PECAM1: variants seen among roughly 807,000 people sequenced by gnomAD.
PECAM1 encodes platelet and endothelial cell adhesion molecule 1.
PECAM1 carries 8 observed loss-of-function variants against 13.8 expected under a neutral mutation model. That is an observed-to-expected ratio of 0.58 (90% CI 0.34 to 1.05). PECAM1 has a LOEUF of 1.05. Among genes scored for constraint, PECAM1 ranks in the 50% least tolerant of loss-of-function variants. PECAM1 has a pLI of 0.03. For missense variants in PECAM1, 304 were observed against 141.2 expected (o/e 2.15, Z -5.84); for synonymous variants, 136 against 52.6 (o/e 2.58, Z -6.86).
rs1309786580 is a variant in PECAM1, at chr17:64,319,786, G to A, written c.*4030C>T. The A allele has an allele frequency of 6.6e-6, 1 of 152,196 alleles. No homozygotes were observed. Among genetic ancestry groups the A allele is most frequent in the Non-Finnish European group, 1.5e-5 (1 of 68,056 alleles). The allele number at this position is 152,196 out of a possible 1,614,324, so 9.4% of individuals were successfully genotyped here. On this transcript the variant is annotated 3_prime_UTR_variant, in exon 16 of 16. Transcript: ENST00000563924. Reference sequence around the variant, plus strand: ...TTTGCCTCTTGGTGCGCATGCTCCAGGCTGCTTGCCCAGCTCCTGAGATCT... The same window carrying A: ...TTTGCCTCTTGGTGCGCATGCTCCAAGCTGCTTGCCCAGCTCCTGAGATCT...
chr17:64,390,627 A>G lies in PECAM1; in HGVS notation c.39T>C (p.Leu13=). The G allele has an allele frequency of 2.1e-6, 1 of 471,940 alleles. No homozygotes were observed. The highest frequency in any genetic ancestry group is 3.9e-6 in the Non-Finnish European group (1 of 257,472). 29.2% of individuals were successfully genotyped at this position (471,940 alleles called of 1,614,324 possible). Residue 13 remains leucine (L), a synonymous_variant, in exon 1 of 16, where the codon CTT becomes CTC. Coordinates refer to ENST00000563924, the MANE Select transcript of PECAM1 (RefSeq NM_000442.5). ...PRWAQGATMW[L]GVLLTLLLCS... Reference sequence around the variant, plus strand: ...AGAGCAGAAGGGTCAGCAGGACTCCAAGCCACATCGTGGCCCCTTGGGCCC... The same window carrying G: ...AGAGCAGAAGGGTCAGCAGGACTCCGAGCCACATCGTGGCCCCTTGGGCCC...
At position 64,390,797 on chromosome 17, in the gene PECAM1, C is replaced by G. The variant is rs1257111639; in HGVS notation, c.-132G>C. 1.0e-5 allele frequency: 4 copies of G among 398,248 alleles called. No individual in the cohort carries two copies. The highest frequency in any genetic ancestry group is 4.1e-5 in the African/African-American group (2 of 48,780). The allele number at this position is 398,248 out of a possible 1,614,324, so 24.7% of individuals were successfully genotyped here. A position where few individuals can be genotyped will look rare whatever the true frequency, so the allele number is the denominator to read the frequency against. On this transcript the variant is annotated 5_prime_UTR_variant, in exon 1 of 16. Transcript: ENST00000563924. ...AGCAGAAATTGCTCTGGTCACTTCT[C>G]CCGGCGCCTGCAGAGAGACCGGCTG... is the stretch of plus-strand genomic sequence containing the variant.
At chr17:64,361,171 A>G (rs1336169448) in intron 6 of PECAM1, among the ~76,000 whole-genome samples, 29 of 114,478 alleles carry the variant, frequency 2.5e-4, no homozygotes, top group Admixed American at 1.9e-3. Flanking sequence ...TCTGAGACCG[A>G]GTCTTGCTCT....
intron 2 of PECAM1, among the ~76,000 whole-genome samples, chr17:64,385,755 C>A (rs1036651998): frequency 3.3e-5 from 5 of 152,204 alleles, no homozygotes; most frequent in Non-Finnish European, 7.3e-5. Context: ...GAAGTGACCA[C>A]TGAACTGAGC....
chr17:64,359,550 C>T (rs1425549164), intron 7 of PECAM1, among the ~76,000 whole-genome samples: 3 of 152,146 alleles, frequency 2.0e-5, no homozygotes, highest in African/African-American at 4.8e-5. Context: ...GCTAAGGGAG[C>T]CCATATGCAC....
intron 3 of PECAM1, among the ~76,000 whole-genome samples, chr17:64,377,250 C>T (rs1274677816): frequency 6.6e-6 from 1 of 152,116 alleles, no homozygotes; most frequent in Non-Finnish European, 1.5e-5. Flanking sequence ...GAGAGAGCAT[C>T]AGAGCTGTAC....
intron 2 of PECAM1, among the ~76,000 whole-genome samples, chr17:64,389,561 A>G (rs2036671371): frequency 6.6e-6 from 1 of 152,234 alleles, no homozygotes; most frequent in Non-Finnish European, 1.5e-5. Flanking sequence ...AAGTAGCAAC[A>G]ATTTAAACTA....
chr17:64,366,983 A>T (rs1488511732), intron 5 of PECAM1, among the ~76,000 whole-genome samples: 1 of 148,094 alleles, frequency 6.8e-6, no homozygotes, highest in Non-Finnish European at 1.5e-5. Flanking sequence ...ATAATAATAA[A>T]AAAAGAGACT....
At chr17:64,355,246 C>G (rs1371702569) in intron 8 of PECAM1, among the ~76,000 whole-genome samples, 3 of 152,142 alleles carry the variant, frequency 2.0e-5, no homozygotes, top group Non-Finnish European at 4.4e-5. Flanking sequence ...AAATAGAGGT[C>G]AGCTGTGGTC....
chr17:64,374,589 GC>G (rs1461910032), intron 4 of PECAM1, among the ~76,000 whole-genome samples: 2 of 152,060 alleles, frequency 1.3e-5, no homozygotes, highest in Non-Finnish European at 2.9e-5. Context: ...TTTGAGACCA[GC>G]CTGGCCAACA....
rs1598263920 is a variant in PECAM1, at chr17:64,319,827, G to T, written c.*3989C>A. The T allele has an allele frequency of 6.6e-6, 1 of 152,292 alleles. No homozygotes were observed. The highest frequency in any genetic ancestry group is 2.4e-5 in the African/African-American group (1 of 41,566). 9.4% of individuals were successfully genotyped at this position (152,292 alleles called of 1,614,324 possible). ...CCTGAGATCTTATCGGGAAGCGGCT[G>T]ATCACCAGATCAGGGTGTTTTGTAT... On this transcript the variant is annotated 3_prime_UTR_variant, in exon 16 of 16. Transcript: ENST00000563924.
intron 13 of PECAM1, among the ~76,000 whole-genome samples, chr17:64,345,832 G>A (rs1598013800): frequency 6.6e-6 from 1 of 151,738 alleles, no homozygotes; most frequent in Non-Finnish European, 1.5e-5. Context: ...CACAACCCCC[G>A]GGGGCCATTC....
chr17:64,321,315 C>A lies in PECAM1; in HGVS notation c.*2501G>T, dbSNP rs782353829. On this transcript the variant is annotated 3_prime_UTR_variant, in exon 16 of 16. Coordinates refer to ENST00000563924, the MANE Select transcript of PECAM1 (RefSeq NM_000442.5). ...CCTGGGATGCTTCAGGTTTAGACAC[C>A]GGGGTTACGGCAGCTGCCGAGGAAG... 29 of 504,710 alleles carry A rather than the reference C, an allele frequency of 5.7e-5. No individual in the cohort carries two copies. The highest frequency in any genetic ancestry group is 5.6e-4 in the African/African-American group (27 of 47,890). The allele number at this position is 504,710 out of a possible 1,614,324, so 31.3% of individuals were successfully genotyped here.
At chr17:64,385,193 C>T (rs1445015664) in intron 2 of PECAM1, among the ~76,000 whole-genome samples, 1 of 152,214 alleles carries the variant, frequency 6.6e-6, no homozygotes, top group South Asian at 2.1e-4. Context: ...ATCTTTTCAA[C>T]CCGGGGAGAT....
chr17:64,319,534 TG>T lies in PECAM1; in HGVS notation c.*4281del, dbSNP rs1277346908. ...TAAGTGCCCTGCCTGACCCTTAACTTGGGGTTTTATGTATTTGGCATAGTTC... is the reference window on the plus strand; with the variant it reads ...TAAGTGCCCTGCCTGACCCTTAACTTGGGTTTTATGTATTTGGCATAGTTC... On this transcript the variant is annotated 3_prime_UTR_variant, in exon 16 of 16. Transcript: ENST00000563924. 1 of 151,890 alleles carries T rather than the reference TG, an allele frequency of 6.6e-6. No individual in the cohort carries two copies. Among genetic ancestry groups the T allele is most frequent in the Non-Finnish European group, 1.5e-5 (1 of 67,938 alleles). The allele number at this position is 151,890 out of a possible 1,614,324, so 9.4% of individuals were successfully genotyped here.
chr17:64,371,822 T>A (rs2036247423), intron 4 of PECAM1, among the ~76,000 whole-genome samples: 1 of 152,024 alleles, frequency 6.6e-6, no homozygotes, highest in Admixed American at 6.6e-5. Context: ...AGAGTGAGAC[T>A]CCATCTCAAA....
intron 2 of PECAM1, among the ~76,000 whole-genome samples, chr17:64,386,332 G>T: frequency 6.6e-6 from 1 of 150,808 alleles, no homozygotes; most frequent in South Asian, 2.1e-4. Flanking sequence ...TTGAATCTGG[G>T]AGGTGAAGGT....
chr17:64,333,412 G>C (rs1372256770), intron 14 of PECAM1, among the ~76,000 whole-genome samples: 1 of 152,084 alleles, frequency 6.6e-6, no homozygotes, highest in Non-Finnish European at 1.5e-5. Context: ...TCTGGCCAGG[G>C]TTTCTCCATG....
At chr17:64,378,983 C>T (rs1233344605) in intron 2 of PECAM1, 4 of 152,394 alleles carry the variant, frequency 2.6e-5, no homozygotes, top group African/African-American at 9.6e-5. Context: ...CGAATTAGCA[C>T]AGTCCCAGCT....
Sources: gnomAD v4.1 joint callset for allele counts (sites outside exome capture counted in the v4.1 genomes callset) on GRCh38, gnomAD v4.1.1 for gene constraint, MANE v1.5 for transcripts, NCBI Gene and HGNC (gene_info 2026-07-23, HGNC 2026-07-21) for gene names.